SYT14: variants seen among roughly 807,000 people sequenced by gnomAD.
SYT14 encodes the protein synaptotagmin 14.
Under a neutral mutation model 74.2 loss-of-function variants are expected in SYT14, and 32 were observed. The observed-to-expected ratio is 0.43, with a 90% confidence interval of 0.33 to 0.58. The LOEUF (loss-of-function observed/expected upper bound fraction) is 0.58, where lower values mean the gene tolerates loss of function less well. Among genes scored for constraint, SYT14 ranks in the 20% least tolerant of loss-of-function variants. The pLI is 0.05. For missense variants in SYT14, 791 were observed against 981.8 expected, an observed-to-expected ratio of 0.81 and a Z score of 2.60; for synonymous variants, 298 against 337.7, an observed-to-expected ratio of 0.88 and a Z score of 1.29.
chr1:209,967,204 G>A (rs1251986869), intron 2 of SYT14, among the ~76,000 whole-genome samples: 1 of 152,030 alleles, frequency 6.6e-6, no homozygotes, highest in African/African-American at 2.4e-5. Context: ...TATATTGTTG[G>A]AGTGGATTTG....
At chr1:209,952,744 T>C in exon 2 of SYT14, 1 of 1,610,590 alleles carries the variant, frequency 6.2e-7, no homozygotes, top group Non-Finnish European at 8.5e-7. Flanking sequence ...TGAACTTATC[T>C]GTATTAGAAA....
intron 5 of SYT14, among the ~76,000 whole-genome samples, chr1:210,060,429 TTAGTTC>T: frequency 6.6e-6 from 1 of 152,174 alleles, no homozygotes; most frequent in Non-Finnish European, 1.5e-5. Context: ...AATCTTTCTT[TTAGTTC>T]TTTTATATAG....
intron 7 of SYT14, among the ~76,000 whole-genome samples, chr1:210,129,013 C>CA (rs1189085670): frequency 1.3e-5 from 2 of 151,582 alleles, no homozygotes; most frequent in African/African-American, 2.4e-5. Flanking sequence ...CTTAGGTATC[C>CA]AAAAAAATAG....
At chr1:210,130,086 A>G (rs2082643074) in intron 7 of SYT14, among the ~76,000 whole-genome samples, 1 of 152,200 alleles carries the variant, frequency 6.6e-6, no homozygotes, top group Non-Finnish European at 1.5e-5. Flanking sequence ...CTTAACATGA[A>G]ACAAACCATA....
chr1:209,978,842 C>CT (rs1261895191), intron 2 of SYT14, among the ~76,000 whole-genome samples: 1 of 152,230 alleles, frequency 6.6e-6, no homozygotes. Context: ...TTGAGCTGTG[C>CT]TGGGCTCCAC....
chr1:209,971,955 G>A (rs890993616), intron 2 of SYT14, among the ~76,000 whole-genome samples: 1 of 152,104 alleles, frequency 6.6e-6, no homozygotes, highest in Non-Finnish European at 1.5e-5. Flanking sequence ...CATTCAGTAC[G>A]ATTGGCACCA....
intron 5 of SYT14, among the ~76,000 whole-genome samples, chr1:210,057,305 T>A (rs142128257): frequency 1.3e-5 from 2 of 152,224 alleles, no homozygotes; most frequent in Non-Finnish European, 2.9e-5. Context: ...GCATCATGGC[T>A]GACTTTGTAC....
At chr1:210,092,214 A>G (rs1356879606) in intron 5 of SYT14, among the ~76,000 whole-genome samples, 2 of 151,928 alleles carry the variant, frequency 1.3e-5, no homozygotes, top group Non-Finnish European at 2.9e-5. Flanking sequence ...TCAAGTTTGG[A>G]GGTAGGTATT....
chr1:210,124,020 A>G (rs898414321), intron 7 of SYT14, among the ~76,000 whole-genome samples: 1 of 152,208 alleles, frequency 6.6e-6, no homozygotes, highest in Admixed American at 6.5e-5. Context: ...TAGAAGGGTC[A>G]GTACGAGGAT....
At chr1:209,940,306 T>A (rs1042482550) in intron 1 of SYT14, among the ~76,000 whole-genome samples, 2 of 152,182 alleles carry the variant, frequency 1.3e-5, no homozygotes, top group African/African-American at 2.4e-5. Context: ...GCGTCTCATC[T>A]TTTCAGTAAA....
intron 2 of SYT14, among the ~76,000 whole-genome samples, chr1:210,011,094 T>C (rs1386287757): frequency 6.6e-6 from 1 of 152,198 alleles, no homozygotes; most frequent in Non-Finnish European, 1.5e-5. Context: ...TAATCCTTTG[T>C]AGCCACTGAA....
At chr1:210,148,502 C>A (rs1572381224) in intron 7 of SYT14, among the ~76,000 whole-genome samples, 3 of 113,800 alleles carry the variant, frequency 2.6e-5, no homozygotes, top group African/African-American at 1.1e-4. Flanking sequence ...GAGCAAAACT[C>A]CGTCTCAAAA....
At chr1:210,083,542 A>C (rs1056299969) in intron 5 of SYT14, among the ~76,000 whole-genome samples, 55 of 152,130 alleles carry the variant, frequency 3.6e-4, no homozygotes, top group African/African-American at 1.2e-3. Context: ...CTGCAGTTAC[A>C]GGTGTGTGCC....
chr1:210,160,913 A>G (rs55872861), exon 10 of SYT14: 1 of 1,614,022 alleles, frequency 6.2e-7, no homozygotes, highest in East Asian at 2.2e-5. Flanking sequence ...GCATGAAAAG[A>G]AAAGAGATGA....
rs114260748 is a variant in SYT14 at position 210,161,715 on chromosome 1, G to A, written c.*673G>A. The stretch of plus-strand genomic sequence containing the variant: ...AAAAGTTCATTTTTCATTTGCCTCC[G>A]CTTTCGCCTGATCCAAAGAGACCAA... On this transcript the variant is annotated 3_prime_UTR_variant, in exon 10 of 10. Transcript: ENST00000637265. 9.3e-4 allele frequency: 421 copies of A among 453,516 alleles called. 4 individuals are homozygous for A. The highest frequency in any genetic ancestry group is 7.8e-3 in the African/African-American group (390 of 50,000). The allele number at this position is 453,516 out of a possible 1,614,324, so 28.1% of individuals were successfully genotyped here. A position where few individuals can be genotyped will look rare whatever the true frequency, so the allele number is the denominator to read the frequency against.
At chr1:210,098,613 A>G (rs936671753) in intron 6 of SYT14, among the ~76,000 whole-genome samples, 4 of 151,922 alleles carry the variant, frequency 2.6e-5, no homozygotes, top group Non-Finnish European at 5.9e-5. Flanking sequence ...TTTGCCTCCC[A>G]TTGGCCAAAG....
intron 7 of SYT14, among the ~76,000 whole-genome samples, chr1:210,105,072 A>G (rs913894775): frequency 2.0e-5 from 3 of 152,144 alleles, no homozygotes; most frequent in African/African-American, 7.2e-5. Flanking sequence ...GACCAACATC[A>G]TCACATAGGA....
intron 5 of SYT14, among the ~76,000 whole-genome samples, chr1:210,040,890 G>T (rs1479304500): frequency 6.6e-6 from 1 of 152,108 alleles, no homozygotes; most frequent in African/African-American, 2.4e-5. Context: ...ATAAAAAGGG[G>T]TTCTCTATTT....
intron 2 of SYT14, among the ~76,000 whole-genome samples, chr1:209,976,583 T>A (rs1003850831): frequency 4.0e-5 from 6 of 151,502 alleles, no homozygotes; most frequent in Non-Finnish European, 4.4e-5. Context: ...TTGTTATAAT[T>A]TCTGTTCTTT....
Sources: allele counts gnomAD v4.1 joint callset (sites outside exome capture counted in the v4.1 genomes callset), GRCh38; gene constraint gnomAD v4.1.1; transcripts MANE v1.5; gene names NCBI Gene and HGNC (gene_info 2026-07-23, HGNC 2026-07-21).